SNX29: variants seen among roughly 807,000 people sequenced by gnomAD.
SNX29 encodes sorting nexin-29.
In SNX29, 78 loss-of-function variants were observed where a neutral mutation model predicts 102.1. That is an observed-to-expected ratio of 0.76 (90% CI 0.64 to 0.92). SNX29 has a LOEUF of 0.92. Ranked by LOEUF, SNX29 falls within the 40% of genes least tolerant of loss-of-function variation. The probability of loss-of-function intolerance (pLI) is 0.00; values close to 1 mark genes in which losing one functional copy is unlikely to be tolerated. For missense variants in SNX29, 1,280 were observed against 1,061.7 expected (o/e 1.21, Z -2.86); for synonymous variants, 580 against 414.5 (o/e 1.40, Z -4.85).
intron 16 of SNX29, among the ~76,000 whole-genome samples, chr16:12,371,886 C>T (rs2082697100): frequency 6.6e-6 from 1 of 152,228 alleles, no homozygotes; most frequent in South Asian, 2.1e-4. Flanking sequence ...TCCTGTCCCT[C>T]AGCATTTGCT....
chr16:12,142,932 A>G (rs1436930161), intron 13 of SNX29, among the ~76,000 whole-genome samples: 1 of 152,124 alleles, frequency 6.6e-6, no homozygotes. Flanking sequence ...ATCAGAGAGA[A>G]ACACAATACA....
At position 12,278,030 on chromosome 16, in the gene SNX29, C is replaced by G. The variant is rs1367248419; in HGVS notation, c.1776C>G (p.Leu592=). 1.2e-5 allele frequency: 19 copies of G among 1,598,190 alleles called. No homozygotes were observed. The highest frequency in any genetic ancestry group is 1.6e-5 in the Non-Finnish European group (19 of 1,172,182). ...TCGCAAGCTCCTACGAAAGAAAGCT[C>G]ATCGAGGTAAGGCCGGTGGAGTCTG... ...EELASSYERK[L]IEVAEMHGEL... The change falls in exon 15 of 21, where the codon CTC becomes CTG. Residue 592 remains leucine (L), a synonymous_variant. Coordinates refer to ENST00000566228, the MANE Select transcript of SNX29 (RefSeq NM_032167.5).
At chr16:12,558,337 A>T (rs2078502812) in intron 20 of SNX29, among the ~76,000 whole-genome samples, 1 of 149,362 alleles carries the variant, frequency 6.7e-6, no homozygotes. Flanking sequence ...ACAAAGAGAC[A>T]AAGAGGCCCC....
Position 12,572,018 on chromosome 16 carries a change from C to G in SNX29, c.*3389C>G. On this transcript the variant is annotated 3_prime_UTR_variant, in exon 21 of 21. Transcript: ENST00000566228. Reference sequence around the variant, plus strand: ...CCAGTTGCATCTAGGGAGCTGCTGGCTATAAAAGGGATCATCCAGTGGAGT... The same window carrying G: ...CCAGTTGCATCTAGGGAGCTGCTGGGTATAAAAGGGATCATCCAGTGGAGT... 4 of 1,062,644 alleles carry G rather than the reference C, an allele frequency of 3.8e-6. No homozygotes were observed. Among genetic ancestry groups the G allele is most frequent in the Non-Finnish European group, 4.6e-6 (4 of 877,664 alleles). The allele number at this position is 1,062,644 out of a possible 1,614,324, so 65.8% of individuals were successfully genotyped here. A position where few individuals can be genotyped will look rare whatever the true frequency, so the allele number is the denominator to read the frequency against.
Position 12,277,816 on chromosome 16 carries a change from C to T in SNX29, c.1679-117C>T, listed in dbSNP as rs146684343. On this transcript the variant is annotated intron_variant, in intron 14 of 20. Transcript: ENST00000566228. ...TTAGTAAGTGTGTGTGTGTGTTTTT[C>T]TTGAGAGCTTTTTCAGTCTGAAGTC... 3,199 of 779,718 alleles carry T rather than the reference C, an allele frequency of 4.1e-3. 12 individuals carry two copies. The highest frequency in any genetic ancestry group is 7.5e-3 in the Admixed American group (320 of 42,456). 48.3% of individuals were successfully genotyped at this position (779,718 alleles called of 1,614,324 possible).
intron 20 of SNX29, among the ~76,000 whole-genome samples, chr16:12,536,812 T>C (rs2077097974): frequency 6.6e-6 from 1 of 152,006 alleles, no homozygotes; most frequent in Non-Finnish European, 1.5e-5. Flanking sequence ...CCCATCTCTA[T>C]TAAAACTGCA....
intron 15 of SNX29, among the ~76,000 whole-genome samples, chr16:12,332,238 G>T (rs562106796): frequency 6.6e-6 from 1 of 152,170 alleles, no homozygotes; most frequent in South Asian, 2.1e-4. Context: ...GTGCACTTGC[G>T]TCCTTGTGTG....
At chr16:12,471,492 A>G (rs2087338733) in intron 18 of SNX29, among the ~76,000 whole-genome samples, 1 of 152,158 alleles carries the variant, frequency 6.6e-6, no homozygotes, top group Admixed American at 6.5e-5. Flanking sequence ...CTGGAATTCG[A>G]ACCCATTTCT....
chr16:12,404,828 T>A (rs2084098348), intron 18 of SNX29, among the ~76,000 whole-genome samples: 1 of 152,176 alleles, frequency 6.6e-6, no homozygotes, highest in Non-Finnish European at 1.5e-5. Flanking sequence ...GTAGACACTC[T>A]ATTCATTTCT....
chr16:12,355,034 T>C (rs571328102), intron 15 of SNX29, among the ~76,000 whole-genome samples: 29 of 152,186 alleles, frequency 1.9e-4, no homozygotes, highest in African/African-American at 6.5e-4. Context: ...AAGCCTGATA[T>C]ATTTCATGTT....
At chr16:12,153,739 A>G (rs1286727018) in intron 13 of SNX29, among the ~76,000 whole-genome samples, 1 of 151,798 alleles carries the variant, frequency 6.6e-6, no homozygotes, top group African/African-American at 2.4e-5. Context: ...CAGCCTCCCA[A>G]AGTGCTGGGA....
intron 15 of SNX29, among the ~76,000 whole-genome samples, chr16:12,355,840 TATTAAAAA>T (rs2082115071): frequency 4.1e-5 from 2 of 49,366 alleles, no homozygotes; most frequent in African/African-American, 1.8e-4. Context: ...AGCGAGATCT[TATTAAAAA>T]AAAAAAAAAA....
chr16:12,519,240 C>T (rs80239734), intron 19 of SNX29, among the ~76,000 whole-genome samples: 4 of 152,196 alleles, frequency 2.6e-5, no homozygotes, highest in Non-Finnish European at 5.9e-5. Context: ...TGTGGACCTC[C>T]GTGAACAGCT....
At chr16:12,526,598 G>A in intron 20 of SNX29, 1 of 532,602 alleles carries the variant, frequency 1.9e-6, no homozygotes, top group Non-Finnish European at 3.7e-6. Context: ...CACGTGAGGA[G>A]TTCTCATCCT....
intron 18 of SNX29, among the ~76,000 whole-genome samples, chr16:12,474,222 C>T (rs768076440): frequency 6.6e-6 from 1 of 152,218 alleles, no homozygotes; most frequent in Non-Finnish European, 1.5e-5. Flanking sequence ...TTCGTACCAT[C>T]TGCCTTGCAG....
intron 11 of SNX29, among the ~76,000 whole-genome samples, chr16:12,114,552 G>A (rs2053619088): frequency 1.3e-5 from 2 of 151,884 alleles, no homozygotes; most frequent in Non-Finnish European, 2.9e-5. Context: ...TTTCAGTCCC[G>A]GTTCTGTATC....
intron 18 of SNX29, among the ~76,000 whole-genome samples, chr16:12,469,008 C>T (rs533743762): frequency 6.6e-6 from 1 of 152,358 alleles, no homozygotes; most frequent in Admixed American, 6.5e-5. Context: ...CACCTCAGTT[C>T]TCTCCGAGAC....
chr16:12,548,850 C>G lies in SNX29; in HGVS notation c.2319-19656C>G, dbSNP rs111423087. 6.8e-4 allele frequency among the ~76,000 whole-genome samples: 104 copies of G among 152,346 alleles called. 1 individual carries two copies. The Middle Eastern group carries it at 0.01, about 15-fold the overall frequency. ...CAGCCCTGTCTAGCTCTCAGTTCCT[C>G]TGCTCTGCAGCCAGGGCCCTTGGCC... is the stretch of plus-strand genomic sequence containing the variant. On this transcript the variant is annotated intron_variant, in intron 20 of 20. Transcript: ENST00000566228.
At chr16:12,489,026 TC>T (rs1480369061) in intron 19 of SNX29, among the ~76,000 whole-genome samples, 1 of 152,220 alleles carries the variant, frequency 6.6e-6, no homozygotes, top group Non-Finnish European at 1.5e-5. Flanking sequence ...ATTTAGTCTC[TC>T]CTTCCAGCTC....
Sources: gnomAD v4.1 joint callset for allele counts (sites outside exome capture counted in the v4.1 genomes callset) on GRCh38, gnomAD v4.1.1 for gene constraint, MANE v1.5 for transcripts, NCBI Gene and HGNC (gene_info 2026-07-23, HGNC 2026-07-21) for gene names.